PRELID2: variants seen among roughly 807,000 people sequenced by gnomAD.
PRELID2 encodes the protein PRELI domain containing 2, also known as PRELI domain-containing protein 2.
In PRELID2, 25 loss-of-function variants were observed where a neutral mutation model predicts 28.4. The ratio of observed to expected loss-of-function variants is 0.88; its 90% confidence interval spans 0.64 to 1.23. PRELID2 has a LOEUF of 1.23. PRELID2 is among the 50% of genes most tolerant of loss of function. PRELID2 has a pLI of 0.00. For synonymous variants in PRELID2, 76 were observed against 71.6 expected (o/e 1.06, Z -0.31); for missense variants, 201 against 214.4 (o/e 0.94, Z 0.39).
the PRELID2 span, among the ~76,000 whole-genome samples, chr5:145,353,827 C>T: frequency 4.6e-5 from 7 of 152,118 alleles, no homozygotes; most frequent in Non-Finnish European, 1.0e-4. Flanking sequence ...AGGCAAACCA[C>T]ATCAAGGGGG....
At chr5:145,719,710 C>A (rs1029790124) in intron 1 of PRELID2, among the ~76,000 whole-genome samples, 28 of 151,894 alleles carry the variant, frequency 1.8e-4, no homozygotes, top group Non-Finnish European at 2.8e-4. Flanking sequence ...TACAAACCTA[C>A]CGGAAGGATA....
At chr5:145,815,514 A>G (rs1474474117) in intron 4 of PRELID2, among the ~76,000 whole-genome samples, 2 of 152,250 alleles carry the variant, frequency 1.3e-5, no homozygotes, top group South Asian at 2.1e-4. Flanking sequence ...ATTCCAGGAC[A>G]TTTTCATCAC....
At chr5:145,335,001 C>T in the PRELID2 span, among the ~76,000 whole-genome samples, 1 of 152,024 alleles carries the variant, frequency 6.6e-6, no homozygotes, top group Non-Finnish European at 1.5e-5. Flanking sequence ...ACCTGGACAT[C>T]CTACCCTTCC....
rs1561566818 is a variant in PRELID2, at chr5:145,740,840, C to CCATAAATATATAT, written n.70+24090_70+24091insATATATATTTATG. The stretch of plus-strand genomic sequence containing the variant: ...TACATATATACAAATATATATTTAT[C>CCATAAATATATAT]GATAAATATATATGTACATATATTT... On this transcript the variant is annotated intron_variant and non_coding_transcript_variant, in intron 1 of 2. Transcript: ENST00000510259. 1.9e-5 allele frequency among the ~76,000 whole-genome samples: 2 copies of CCATAAATATATAT among 104,976 alleles called. 1 individual carries two copies. Among genetic ancestry groups the CCATAAATATATAT allele is most frequent in the East Asian group, 5.4e-4 (2 of 3,720 alleles). The allele number at this position is 104,976 out of a possible 152,430, so 68.9% of individuals were successfully genotyped here.
intron 1 of PRELID2, among the ~76,000 whole-genome samples, chr5:145,617,810 T>A (rs1753720814): frequency 6.6e-6 from 1 of 151,888 alleles, no homozygotes; most frequent in African/African-American, 2.4e-5. Context: ...CTTTGCTCAC[T>A]GCAACCTCCA....
At chr5:145,437,282 T>A in the PRELID2 span, 5 of 152,176 alleles carry the variant, frequency 3.3e-5, no homozygotes, top group African/African-American at 1.2e-4. Flanking sequence ...TGCATATAAG[T>A]GCAGTTTTCT....
intron 1 of PRELID2, among the ~76,000 whole-genome samples, chr5:145,526,708 G>A (rs1265713908): frequency 6.6e-6 from 1 of 151,884 alleles, no homozygotes; most frequent in Non-Finnish European, 1.5e-5. Flanking sequence ...GATAAAAACA[G>A]CAAGTAGTAT....
At chr5:145,483,058 T>G (rs1241716687) in intron 1 of PRELID2, among the ~76,000 whole-genome samples, 1 of 152,150 alleles carries the variant, frequency 6.6e-6, no homozygotes, top group Non-Finnish European at 1.5e-5. Context: ...ACAATTCACC[T>G]ATAAAATGGG....
chr5:145,240,998 T>C, the PRELID2 span, among the ~76,000 whole-genome samples: 1 of 152,028 alleles, frequency 6.6e-6, no homozygotes, highest in East Asian at 1.9e-4. Context: ...AAGAGCTTCC[T>C]TGGGTGGGCT....
At chr5:145,383,095 C>A in the PRELID2 span, among the ~76,000 whole-genome samples, 3 of 150,992 alleles carry the variant, frequency 2.0e-5, no homozygotes, top group Non-Finnish European at 3.0e-5. Context: ...ATCAACTTCC[C>A]AATAAATTTT....
chr5:145,278,859 G>T, the PRELID2 span, among the ~76,000 whole-genome samples: 1 of 152,154 alleles, frequency 6.6e-6, no homozygotes, highest in Non-Finnish European at 1.5e-5. Context: ...GGTAAGCAAA[G>T]AAAGATATTT....
intron 1 of PRELID2, among the ~76,000 whole-genome samples, chr5:145,585,715 C>CT (rs1370637646): frequency 3.3e-5 from 5 of 152,038 alleles, no homozygotes; most frequent in African/African-American, 1.2e-4. Flanking sequence ...GCAAAGGGAC[C>CT]TTTTTTTAAT....
the PRELID2 span, among the ~76,000 whole-genome samples, chr5:145,251,021 A>G: frequency 6.6e-6 from 1 of 152,286 alleles, no homozygotes; most frequent in Admixed American, 6.5e-5. Flanking sequence ...TTTTGAAATG[A>G]GGTAATTACA....
the PRELID2 span, among the ~76,000 whole-genome samples, chr5:145,248,608 C>T: frequency 6.6e-6 from 1 of 151,974 alleles, no homozygotes; most frequent in African/African-American, 2.4e-5. Flanking sequence ...AACATCCTGG[C>T]CAACATGGTG....
At chr5:145,366,799 G>A in the PRELID2 span, among the ~76,000 whole-genome samples, 1 of 151,800 alleles carries the variant, frequency 6.6e-6, no homozygotes, top group Non-Finnish European at 1.5e-5. Context: ...CAGGATGAGA[G>A]ATATCCATAG....
intron 1 of PRELID2, among the ~76,000 whole-genome samples, chr5:145,510,454 C>G (rs925231366): frequency 6.6e-6 from 1 of 152,134 alleles, no homozygotes; most frequent in African/African-American, 2.4e-5. Context: ...CAGTAAGAGG[C>G]CTCAGAGGGG....
At chr5:145,280,803 GAA>G in the PRELID2 span, among the ~76,000 whole-genome samples, 5,783 of 142,854 alleles carry the variant, frequency 0.04, 195 homozygotes, top group Admixed American at 0.11. Flanking sequence ...ATTGATTCAT[GAA>G]AAAAAAAAAA....
intron 1 of PRELID2, among the ~76,000 whole-genome samples, chr5:145,565,624 T>C (rs147730596): frequency 1.6e-3 from 250 of 152,336 alleles, no homozygotes; most frequent in African/African-American, 5.7e-3. Context: ...TCCTTTTGGT[T>C]TGCAGACAAA....
At chr5:145,811,040 A>G (rs1753890017) in intron 4 of PRELID2, among the ~76,000 whole-genome samples, 1 of 140,830 alleles carries the variant, frequency 7.1e-6, no homozygotes, top group African/African-American at 2.7e-5. Flanking sequence ...AGGCCTCACA[A>G]TCATGGTGGA....
Sources: gnomAD v4.1 joint callset for allele counts (sites outside exome capture counted in the v4.1 genomes callset) on GRCh38, gnomAD v4.1.1 for gene constraint, MANE v1.5 for transcripts, NCBI Gene and HGNC (gene_info 2026-07-23, HGNC 2026-07-21) for gene names.